Variants in ASB7 observed in about 807,000 individuals in gnomAD.
The protein encoded by ASB7 is ankyrin repeat and SOCS box containing 7.
ASB7 carries 4 observed loss-of-function variants against 32.5 expected under a neutral mutation model. That is an observed-to-expected ratio of 0.12 (90% CI 0.06 to 0.28). The LOEUF is 0.28. ASB7 is among the 10% of genes least tolerant of loss of function. ASB7 has a pLI of 1.00. For missense variants in ASB7, 181 were observed against 407.1 expected (o/e 0.44, Z 4.78); for synonymous variants, 172 against 155.6 (o/e 1.11, Z -0.78).
At chr15:100,636,284 G>T (rs1232909825) in intron 5 of ASB7, among the ~76,000 whole-genome samples, 1 of 152,186 alleles carries the variant, frequency 6.6e-6, no homozygotes, top group African/African-American at 2.4e-5. Flanking sequence ...CTTTGAGTTT[G>T]TTCAGGTTTT....
intron 5 of ASB7, among the ~76,000 whole-genome samples, chr15:100,634,543 CCT>C (rs2039908171): frequency 6.6e-6 from 1 of 152,190 alleles, no homozygotes; most frequent in African/African-American, 2.4e-5. Flanking sequence ...GTGGCTGACA[CCT>C]GTCATCCCAG....
chr15:100,604,830 TTGTC>T (rs2039627246), intron 2 of ASB7, among the ~76,000 whole-genome samples: 1 of 152,212 alleles, frequency 6.6e-6, no homozygotes, highest in African/African-American at 2.4e-5. Flanking sequence ...AGTATGGAAG[TTGTC>T]AGGGAGATGG....
chr15:100,643,477 CTTTTTTTTTTTTT>C (rs1172063471), intron 5 of ASB7, among the ~76,000 whole-genome samples: 1 of 104,380 alleles, frequency 9.6e-6, no homozygotes, highest in Non-Finnish European at 1.9e-5. Flanking sequence ...GTCCCTTCTT[CTTTTTTTTTTTTT>C]TTTTTTTTTT....
intron 4 of ASB7, among the ~76,000 whole-genome samples, chr15:100,617,860 C>T (rs981855331): frequency 6.6e-6 from 1 of 152,166 alleles, no homozygotes; most frequent in Admixed American, 6.5e-5. Flanking sequence ...GTAATTGTTC[C>T]TCAGTTTTAC....
At position 100,648,865 on chromosome 15, in the gene ASB7, C is replaced by T. The variant is rs958275173; in HGVS notation, c.*403C>T. 2.0e-5 allele frequency: 3 copies of T among 153,842 alleles called. No individual in the cohort carries two copies. The highest frequency in any genetic ancestry group is 4.3e-5 in the Non-Finnish European group (3 of 68,982). 9.5% of individuals were successfully genotyped at this position (153,842 alleles called of 1,614,324 possible). A position where few individuals can be genotyped will look rare whatever the true frequency, so the allele number is the denominator to read the frequency against. ...GAGCACTTGTTAACGTTTGGAGGCA[C>T]AGTTTCACCCAGGGCGACCCTGGGT... On this transcript the variant is annotated 3_prime_UTR_variant, in exon 6 of 6. Coordinates refer to ENST00000332783, the MANE Select transcript of ASB7 (RefSeq NM_198243.3).
intron 4 of ASB7, among the ~76,000 whole-genome samples, chr15:100,628,552 G>A (rs2141399186): frequency 6.6e-6 from 1 of 152,250 alleles, no homozygotes; most frequent in East Asian, 1.9e-4. Flanking sequence ...GAGGTGCCCG[G>A]CATAACCAGT....
At chr15:100,626,710 A>G (rs976088146) in intron 4 of ASB7, among the ~76,000 whole-genome samples, 6 of 152,112 alleles carry the variant, frequency 3.9e-5, no homozygotes, top group Non-Finnish European at 8.8e-5. Flanking sequence ...AATTGGTAAG[A>G]ACTGAAATGC....
At chr15:100,611,480 G>A (rs1456759636) in intron 3 of ASB7, among the ~76,000 whole-genome samples, 1 of 16,032 alleles carries the variant, frequency 6.2e-5, no homozygotes, top group South Asian at 5.4e-3. Flanking sequence ...AGATTGTTTC[G>A]ATTCTTTTTT....
At chr15:100,621,518 T>C (rs892959616) in intron 4 of ASB7, among the ~76,000 whole-genome samples, 1 of 152,196 alleles carries the variant, frequency 6.6e-6, no homozygotes, top group Admixed American at 6.5e-5. Context: ...TTCTTTTACC[T>C]TTGAGTACTT....
At chr15:100,612,644 T>C (rs919892998) in intron 4 of ASB7, 1 of 577,872 alleles carries the variant, frequency 1.7e-6, no homozygotes, top group African/African-American at 1.9e-5. Context: ...TCCCTGAAAC[T>C]GTAGTGTCTG....
At chr15:100,608,800 G>C (rs2039670046) in intron 2 of ASB7, among the ~76,000 whole-genome samples, 1 of 152,220 alleles carries the variant, frequency 6.6e-6, no homozygotes, top group Non-Finnish European at 1.5e-5. Context: ...AAGTAGATGA[G>C]AATAGAGGAA....
At chr15:100,607,759 G>C (rs1219774157) in intron 2 of ASB7, among the ~76,000 whole-genome samples, 2 of 152,200 alleles carry the variant, frequency 1.3e-5, no homozygotes, top group Non-Finnish European at 1.5e-5. Flanking sequence ...TAAGTGTCAA[G>C]CATTCTGTAG....
chr15:100,646,455 G>T, intron 5 of ASB7: 4 of 466,952 alleles, frequency 8.6e-6, no homozygotes, highest in South Asian at 6.5e-5. Context: ...CCATGTGTTT[G>T]ACCAAGGGCA....
At chr15:100,628,459 G>C (rs2039858545) in intron 4 of ASB7, among the ~76,000 whole-genome samples, 2 of 152,174 alleles carry the variant, frequency 1.3e-5, no homozygotes, top group Non-Finnish European at 2.9e-5. Flanking sequence ...CAAAAATTAA[G>C]GTGACTTTTA....
chr15:100,615,578 A>G (rs1024016474), intron 4 of ASB7, among the ~76,000 whole-genome samples: 5 of 152,244 alleles, frequency 3.3e-5, no homozygotes, highest in Non-Finnish European at 2.9e-5. Flanking sequence ...GCATACATAC[A>G]TGGTTAAAAA....
intron 4 of ASB7, among the ~76,000 whole-genome samples, chr15:100,624,937 C>T (rs111799015): frequency 0.029 from 4,384 of 152,198 alleles, 82 homozygotes; most frequent in Admixed American, 0.041. Flanking sequence ...AGTATTTACT[C>T]CAGGAGTACA....
intron 5 of ASB7, among the ~76,000 whole-genome samples, chr15:100,635,012 C>G (rs537656840): frequency 6.6e-6 from 1 of 152,274 alleles, no homozygotes; most frequent in South Asian, 2.1e-4. Flanking sequence ...TGCTTTCTAC[C>G]TGGGAATTCC....
intron 5 of ASB7, among the ~76,000 whole-genome samples, chr15:100,642,180 A>G (rs2039966158): frequency 6.6e-6 from 1 of 152,210 alleles, no homozygotes; most frequent in Non-Finnish European, 1.5e-5. Context: ...AGGCCTCAGA[A>G]TGTGCATTTT....
At chr15:100,645,373 C>A in intron 5 of ASB7, 1 of 263,468 alleles carries the variant, frequency 3.8e-6, no homozygotes, top group Non-Finnish European at 7.4e-6. Context: ...GATTCTCTAC[C>A]AATTTTCATT....
Sources: gnomAD v4.1 joint callset for allele counts (sites outside exome capture counted in the v4.1 genomes callset) on GRCh38, gnomAD v4.1.1 for gene constraint, MANE v1.5 for transcripts, NCBI Gene and HGNC (gene_info 2026-07-23, HGNC 2026-07-21) for gene names.